Variants in SLC24A4 observed in about 807,000 individuals in gnomAD.
The protein encoded by SLC24A4 is sodium/potassium/calcium exchanger 4.
Under a neutral mutation model 79.0 loss-of-function variants are expected in SLC24A4, and 53 were observed. The observed-to-expected ratio is 0.67, with a 90% CI of 0.54 to 0.84. The LOEUF (loss-of-function observed/expected upper bound fraction) is 0.84. SLC24A4 is among the 40% of genes least tolerant of loss of function. The probability of loss-of-function intolerance (pLI) is 0.00; values close to 1 mark genes in which losing one functional copy is unlikely to be tolerated. For missense variants in SLC24A4, 731 were observed against 822.0 expected, an observed-to-expected ratio of 0.89 and a Z score of 1.35; for synonymous variants, 323 against 323.8, an observed-to-expected ratio of 1.00 and a Z score of 0.03.
chr14:92,443,095 G>A (rs1396293540), intron 6 of SLC24A4, among the ~76,000 whole-genome samples: 1 of 152,210 alleles, frequency 6.6e-6, no homozygotes, highest in African/African-American at 2.4e-5. Context: ...AGAGGGAGAT[G>A]GAAGTGGGCA....
intron 2 of SLC24A4, among the ~76,000 whole-genome samples, chr14:92,358,434 G>T (rs994819901): frequency 1.3e-5 from 2 of 152,124 alleles, no homozygotes; most frequent in Non-Finnish European, 1.5e-5. Context: ...GCCATCTGTA[G>T]GTGCTGGGGT....
intron 2 of SLC24A4, among the ~76,000 whole-genome samples, chr14:92,350,944 C>T (rs1033019602): frequency 6.6e-6 from 1 of 152,182 alleles, no homozygotes; most frequent in Admixed American, 6.5e-5. Flanking sequence ...AGCTAGCTTC[C>T]TCTCTTTCTG....
intron 14 of SLC24A4, among the ~76,000 whole-genome samples, chr14:92,487,976 GCTCCTC>G (rs796277416): frequency 4.2e-5 from 6 of 142,628 alleles, no homozygotes; most frequent in African/African-American, 1.1e-4. Flanking sequence ...TCCTCCTCCT[GCTCCTC>G]CTCCTCCTCC....
chr14:92,337,767 A>G (rs1381589069), intron 2 of SLC24A4, among the ~76,000 whole-genome samples: 1 of 152,222 alleles, frequency 6.6e-6, no homozygotes, highest in Non-Finnish European at 1.5e-5. Flanking sequence ...CAGCACCATT[A>G]TCTCAGGGTT....
intron 2 of SLC24A4, among the ~76,000 whole-genome samples, chr14:92,372,026 G>T (rs1304903765): frequency 6.6e-6 from 1 of 152,214 alleles, no homozygotes; most frequent in Non-Finnish European, 1.5e-5. Flanking sequence ...CCCCTTGGGG[G>T]ACTCCTGACC....
Position 92,323,562 on chromosome 14 carries a change from C to T in SLC24A4, c.-269C>T, listed in dbSNP as rs112684504. On this transcript the variant is annotated 5_prime_UTR_variant, in exon 1 of 17. Coordinates refer to ENST00000532405, the MANE Select transcript of SLC24A4 (RefSeq NM_153646.4). The surrounding 1 kb of genome is among the most constrained non-coding windows in gnomAD (Gnocchi z 4.9). ...AGCCCGGGCCGCCAGCGCCACCGTG[C>T]CGGCGTCGCCTCCTCGCCACGGAGC... 1.1e-5 allele frequency: 3 copies of T among 269,878 alleles called. No homozygotes were observed. 16.7% of individuals were successfully genotyped at this position (269,878 alleles called of 1,614,324 possible). A position where few individuals can be genotyped will look rare whatever the true frequency, so the allele number is the denominator to read the frequency against.
chr14:92,413,686 CA>C (rs1026368893), intron 2 of SLC24A4, among the ~76,000 whole-genome samples: 3 of 152,168 alleles, frequency 2.0e-5, no homozygotes, highest in Non-Finnish European at 4.4e-5. Flanking sequence ...GATTGAAAGT[CA>C]AAATCTGGGC....
At chr14:92,365,154 A>G (rs1887756620) in intron 2 of SLC24A4, among the ~76,000 whole-genome samples, 1 of 152,238 alleles carries the variant, frequency 6.6e-6, no homozygotes, top group Non-Finnish European at 1.5e-5. Flanking sequence ...CGGCTTCCTC[A>G]GGCCTGTCTC....
intron 2 of SLC24A4, among the ~76,000 whole-genome samples, chr14:92,371,602 A>G (rs1475917060): frequency 6.6e-6 from 1 of 152,124 alleles, no homozygotes; most frequent in Admixed American, 6.5e-5. Context: ...AAACCCTTAC[A>G]TTTTGCTACA....
intron 14 of SLC24A4, among the ~76,000 whole-genome samples, chr14:92,488,681 AG>A (rs1443165632): frequency 6.6e-6 from 1 of 151,478 alleles, no homozygotes; most frequent in African/African-American, 2.4e-5. Flanking sequence ...CAGGGTACTC[AG>A]CCCAGTACAG....
chr14:92,327,050 A>G (rs1235220739), intron 2 of SLC24A4, among the ~76,000 whole-genome samples: 1 of 152,204 alleles, frequency 6.6e-6, no homozygotes, highest in African/African-American at 2.4e-5. Context: ...GTCAGGAAAG[A>G]TCTGGGGAGA....
At chr14:92,408,475 A>T in intron 2 of SLC24A4, 2 of 966,352 alleles carry the variant, frequency 2.1e-6, no homozygotes, top group Non-Finnish European at 2.5e-6. Flanking sequence ...AGGTGGGCTG[A>T]TTGTTTTAAT....
chr14:92,402,080 G>C (rs77629159), intron 2 of SLC24A4, among the ~76,000 whole-genome samples: 3,011 of 152,258 alleles, frequency 0.02, 108 homozygotes, highest in African/African-American at 0.067. Flanking sequence ...GCTGATTGCA[G>C]TCCTCAGATA....
Position 92,323,394 on chromosome 14 carries a change from C to T in SLC24A4, c.-437C>T. ...CCGCCAAACTTGGAGGAGGAGGATGCTGCGAGTGGGCGCGGCGGCGCGGGG... is the reference window on the plus strand; with the variant it reads ...CCGCCAAACTTGGAGGAGGAGGATGTTGCGAGTGGGCGCGGCGGCGCGGGG... On this transcript the variant is annotated 5_prime_UTR_variant, in exon 1 of 17. Transcript: ENST00000532405. This position sits in a 1 kb window ranked among gnomAD's most constrained non-coding sequence, Gnocchi z 4.9. 6.5e-6 allele frequency: 1 copy of T among 153,098 alleles called. No individual in the cohort carries two copies. Among genetic ancestry groups the T allele is most frequent in the Non-Finnish European group, 1.5e-5 (1 of 68,336 alleles). 9.5% of individuals were successfully genotyped at this position (153,098 alleles called of 1,614,324 possible). A position where few individuals can be genotyped will look rare whatever the true frequency, so the allele number is the denominator to read the frequency against.
intron 2 of SLC24A4, among the ~76,000 whole-genome samples, chr14:92,389,797 C>T (rs1209263334): frequency 6.6e-6 from 1 of 152,178 alleles, no homozygotes; most frequent in Admixed American, 6.5e-5. Flanking sequence ...CCCCAGGGGC[C>T]CGCCTGGCCT....
chr14:92,371,003 A>G (rs1307403072), intron 2 of SLC24A4, among the ~76,000 whole-genome samples: 1 of 152,226 alleles, frequency 6.6e-6, no homozygotes, highest in Non-Finnish European at 1.5e-5. Context: ...CCAATCAAGT[A>G]TTGATACAAG....
At chr14:92,337,488 G>A (rs916236096) in intron 2 of SLC24A4, among the ~76,000 whole-genome samples, 2 of 152,188 alleles carry the variant, frequency 1.3e-5, no homozygotes, top group Admixed American at 6.5e-5. Flanking sequence ...GACCCCTCTA[G>A]CCTGTCGGTG....
At chr14:92,330,602 C>T (rs1343476245) in intron 2 of SLC24A4, among the ~76,000 whole-genome samples, 1 of 152,194 alleles carries the variant, frequency 6.6e-6, no homozygotes, top group Non-Finnish European at 1.5e-5. Flanking sequence ...ATATCATAGA[C>T]AGGATAGCTC....
At chr14:92,432,176 A>G (rs1258910624) in intron 2 of SLC24A4, among the ~76,000 whole-genome samples, 1 of 152,164 alleles carries the variant, frequency 6.6e-6, no homozygotes. Context: ...TCTCCTCCAC[A>G]GCCCTCCAGG....
Sources: allele counts gnomAD v4.1 joint callset (sites outside exome capture counted in the v4.1 genomes callset), GRCh38; gene constraint gnomAD v4.1.1; non-coding constraint Gnocchi (gnomAD v3.1); transcripts MANE v1.5; gene names NCBI Gene and HGNC (gene_info 2026-07-23, HGNC 2026-07-21).